SUGCT: variants seen among roughly 807,000 people sequenced by gnomAD.
SUGCT encodes the protein succinyl-CoA:glutarate-CoA transferase.
Under a neutral mutation model 55.0 loss-of-function variants are expected in SUGCT, and 41 were observed. The ratio of observed to expected loss-of-function variants is 0.74; its 90% CI spans 0.58 to 0.97. SUGCT has a LOEUF of 0.97. Ranked by LOEUF, SUGCT falls within the 50% of genes least tolerant of loss-of-function variation. The pLI is 0.00. For synonymous variants in SUGCT, 187 were observed against 200.4 expected (o/e 0.93, Z 0.56); for missense variants, 568 against 547.8 (o/e 1.04, Z -0.37).
chr7:40,531,948 A>C (rs1293156971), intron 12 of SUGCT, among the ~76,000 whole-genome samples: 1 of 152,220 alleles, frequency 6.6e-6, no homozygotes, highest in Non-Finnish European at 1.5e-5. Flanking sequence ...TGCTGGGATT[A>C]CAGGCGTGAG....
At chr7:40,919,306 A>G in the SUGCT span, among the ~76,000 whole-genome samples, 1 of 152,202 alleles carries the variant, frequency 6.6e-6, no homozygotes, top group East Asian at 1.9e-4. Flanking sequence ...CCCTAAAAGT[A>G]AGCTTCCTCC....
intron 13 of SUGCT, among the ~76,000 whole-genome samples, chr7:40,795,555 A>G (rs1178928260): frequency 1.3e-5 from 2 of 152,160 alleles, no homozygotes; most frequent in Non-Finnish European, 2.9e-5. Flanking sequence ...GGGGTTCCAT[A>G]TCTTGAACTG....
At chr7:40,341,144 A>C (rs1296627803) in intron 9 of SUGCT, among the ~76,000 whole-genome samples, 1 of 152,200 alleles carries the variant, frequency 6.6e-6, no homozygotes, top group African/African-American at 2.4e-5. Flanking sequence ...CCTACTGAGG[A>C]GACCCTACAA....
At chr7:40,919,972 C>T in the SUGCT span, among the ~76,000 whole-genome samples, 1 of 152,140 alleles carries the variant, frequency 6.6e-6, no homozygotes, top group Non-Finnish European at 1.5e-5. Flanking sequence ...CAGTGTGTGG[C>T]TCATGCTTCT....
the SUGCT span, among the ~76,000 whole-genome samples, chr7:40,943,221 C>T: frequency 6.6e-6 from 1 of 151,142 alleles, no homozygotes; most frequent in African/African-American, 2.4e-5. Context: ...TATTTTTTGA[C>T]TGTTTATTTT....
chr7:40,534,423 C>T (rs1046741663), intron 12 of SUGCT, among the ~76,000 whole-genome samples: 9 of 151,540 alleles, frequency 5.9e-5, no homozygotes, highest in Non-Finnish European at 1.3e-4. Context: ...CTCACTCTGT[C>T]GCCTAGGCTT....
chr7:40,271,988 A>G (rs989167534), intron 7 of SUGCT, among the ~76,000 whole-genome samples: 4 of 150,860 alleles, frequency 2.7e-5, no homozygotes, highest in African/African-American at 4.9e-5. Context: ...AGTGACATCC[A>G]TATTGTTGCA....
At chr7:40,912,802 C>G in the SUGCT span, among the ~76,000 whole-genome samples, 6 of 147,770 alleles carry the variant, frequency 4.1e-5, no homozygotes, top group South Asian at 1.3e-3. Flanking sequence ...CTGACTTCAC[C>G]ATAATGCAAC....
At chr7:40,379,034 C>G (rs1784742112) in intron 9 of SUGCT, among the ~76,000 whole-genome samples, 1 of 152,042 alleles carries the variant, frequency 6.6e-6, no homozygotes, top group African/African-American at 2.4e-5. Context: ...TTACATACAT[C>G]CTTATCAGAG....
chr7:40,866,078 C>T, the SUGCT span, among the ~76,000 whole-genome samples: 1 of 152,168 alleles, frequency 6.6e-6, no homozygotes, highest in Non-Finnish European at 1.5e-5. Context: ...ACCCCTTCCT[C>T]TCCCCTAGAA....
intron 9 of SUGCT, among the ~76,000 whole-genome samples, chr7:40,342,853 G>T (rs1377755357): frequency 6.6e-6 from 1 of 152,100 alleles, no homozygotes; most frequent in Non-Finnish European, 1.5e-5. Flanking sequence ...ATGTTGGTCA[G>T]GCAGGTCTTG....
intron 12 of SUGCT, among the ~76,000 whole-genome samples, chr7:40,543,612 G>A (rs1175400309): frequency 6.6e-6 from 1 of 152,162 alleles, no homozygotes; most frequent in Non-Finnish European, 1.5e-5. Context: ...TGGTGGACTG[G>A]ACCATTAACT....
intron 12 of SUGCT, among the ~76,000 whole-genome samples, chr7:40,655,322 A>G (rs1203755454): frequency 1.3e-5 from 2 of 152,152 alleles, no homozygotes; most frequent in African/African-American, 4.8e-5. Flanking sequence ...AAAAAAATTT[A>G]TATAATTATA....
chr7:40,265,057 G>T (rs912226197), intron 7 of SUGCT, among the ~76,000 whole-genome samples: 22 of 152,156 alleles, frequency 1.4e-4, no homozygotes, highest in African/African-American at 5.1e-4. Flanking sequence ...CTTCTCCAAA[G>T]GTTGTGTGGT....
At chr7:40,935,326 A>G in the SUGCT span, among the ~76,000 whole-genome samples, 1 of 151,202 alleles carries the variant, frequency 6.6e-6, no homozygotes, top group African/African-American at 2.5e-5. Flanking sequence ...AAGTTGTGCA[A>G]CCATCACTTC....
At chr7:40,155,649 C>T (rs964649145) in intron 1 of SUGCT, among the ~76,000 whole-genome samples, 1 of 152,110 alleles carries the variant, frequency 6.6e-6, no homozygotes, top group Non-Finnish European at 1.5e-5. Context: ...CATCAAGGAA[C>T]ATTTGAGCAC....
intron 11 of SUGCT, among the ~76,000 whole-genome samples, chr7:40,489,725 A>G (rs1362743983): frequency 6.6e-6 from 1 of 152,004 alleles, no homozygotes; most frequent in Non-Finnish European, 1.5e-5. Context: ...CAACAGAACA[A>G]AACAAAAAAC....
At chr7:40,199,467 C>T (rs1786469835) in intron 6 of SUGCT, among the ~76,000 whole-genome samples, 1 of 152,128 alleles carries the variant, frequency 6.6e-6, no homozygotes, top group Non-Finnish European at 1.5e-5. Context: ...TTCCTGTGTA[C>T]CACTGGGTAG....
the SUGCT span, among the ~76,000 whole-genome samples, chr7:41,034,560 T>A: frequency 6.6e-6 from 1 of 152,228 alleles, no homozygotes; most frequent in African/African-American, 2.4e-5. Flanking sequence ...TTGGGACTTC[T>A]TGTGCACCAG....
Sources: allele counts gnomAD v4.1 joint callset (sites outside exome capture counted in the v4.1 genomes callset), GRCh38; gene constraint gnomAD v4.1.1; transcripts MANE v1.5; gene names NCBI Gene and HGNC (gene_info 2026-07-23, HGNC 2026-07-21).